The following GALNT13 variants were observed in gnomAD, a reference collection of about 807,000 sequenced individuals.
The protein encoded by GALNT13 is UDP-GalNAc:polypeptide N-acetylgalactosaminyltransferase 13.
In GALNT13, 28 loss-of-function variants were observed where a neutral mutation model predicts 64.2. The observed-to-expected ratio is 0.44, with a 90% confidence interval of 0.32 to 0.60. The LOEUF is 0.60. Among genes scored for constraint, GALNT13 ranks in the 20% least tolerant of loss-of-function variants. The pLI is 0.05. For synonymous variants in GALNT13, 214 were observed against 224.6 expected, an observed-to-expected ratio of 0.95 and a Z score of 0.42; for missense variants, 577 against 669.8, an observed-to-expected ratio of 0.86 and a Z score of 1.53.
the GALNT13 span, among the ~76,000 whole-genome samples, chr2:153,573,670 T>G: frequency 5.3e-5 from 8 of 152,180 alleles, no homozygotes; most frequent in South Asian, 1.5e-3. Flanking sequence ...TATTTTAACC[T>G]TGTGACAACT....
At chr2:153,585,084 T>A in the GALNT13 span, among the ~76,000 whole-genome samples, 1 of 152,118 alleles carries the variant, frequency 6.6e-6, no homozygotes, top group Admixed American at 6.6e-5. Context: ...AAAAGAAATA[T>A]TTGAAATACC....
the GALNT13 span, among the ~76,000 whole-genome samples, chr2:153,534,435 C>T: frequency 1.3e-5 from 2 of 151,546 alleles, no homozygotes; most frequent in African/African-American, 4.9e-5. Context: ...AACAGGACGG[C>T]TAGAGTGAGC....
chr2:154,031,531 G>T (rs1008422105), intron 3 of GALNT13, among the ~76,000 whole-genome samples: 19 of 151,664 alleles, frequency 1.3e-4, no homozygotes, highest in Admixed American at 8.5e-4. Context: ...TAATGTGTAT[G>T]GATATATATA....
the GALNT13 span, among the ~76,000 whole-genome samples, chr2:153,229,218 C>T: frequency 2.0e-5 from 3 of 152,120 alleles, no homozygotes; most frequent in African/African-American, 7.2e-5. Flanking sequence ...CCAGAAATGT[C>T]ATCACTCTCT....
chr2:154,298,698 GTATATACAATT>G, intron 8 of GALNT13, among the ~76,000 whole-genome samples: 1 of 112,714 alleles, frequency 8.9e-6, no homozygotes, highest in Non-Finnish European at 1.7e-5. Context: ...TATATACATT[GTATATACAATT>G]TATATATAAA....
At chr2:153,887,564 A>C (rs1307031253) in intron 1 of GALNT13, among the ~76,000 whole-genome samples, 1 of 151,850 alleles carries the variant, frequency 6.6e-6, no homozygotes, top group Non-Finnish European at 1.5e-5. Flanking sequence ...GCAAAGGTGC[A>C]TTCATTTCAT....
chr2:154,150,673 G>T (rs950545254), intron 4 of GALNT13, among the ~76,000 whole-genome samples: 5 of 152,118 alleles, frequency 3.3e-5, no homozygotes, highest in African/African-American at 1.2e-4. Flanking sequence ...TGTTTGTGTC[G>T]AGGAATTTAT....
chr2:153,594,417 G>A, the GALNT13 span, among the ~76,000 whole-genome samples: 3 of 152,062 alleles, frequency 2.0e-5, no homozygotes, highest in Non-Finnish European at 4.4e-5. Flanking sequence ...TGTCTTCCAC[G>A]ATACTATCTT....
chr2:153,468,764 A>T, the GALNT13 span, among the ~76,000 whole-genome samples: 47 of 152,178 alleles, frequency 3.1e-4, no homozygotes, highest in East Asian at 8.5e-3. Context: ...TTTACTTTTT[A>T]AAAAGAAAAT....
chr2:153,334,119 T>A, the GALNT13 span, among the ~76,000 whole-genome samples: 1 of 152,154 alleles, frequency 6.6e-6, no homozygotes, highest in South Asian at 2.1e-4. Context: ...AGATCTGATA[T>A]ACTGAAGACA....
chr2:154,075,342 G>A (rs1700931838), intron 3 of GALNT13, among the ~76,000 whole-genome samples: 1 of 151,806 alleles, frequency 6.6e-6, no homozygotes, highest in South Asian at 2.1e-4. Flanking sequence ...TAATATCAAA[G>A]GGTCCTTTCT....
chr2:153,655,727 A>G, the GALNT13 span, among the ~76,000 whole-genome samples: 1 of 152,124 alleles, frequency 6.6e-6, no homozygotes, highest in African/African-American at 2.4e-5. Flanking sequence ...ACATATAGAA[A>G]CTGATATACC....
At chr2:154,446,762 G>T in intron 12 of GALNT13, 1 of 1,507,210 alleles carries the variant, frequency 6.6e-7, no homozygotes, top group Non-Finnish European at 8.9e-7. Context: ...AATGATTTTT[G>T]GAGGTTTGTG....
At chr2:153,955,405 A>G (rs1483795226) in intron 3 of GALNT13, among the ~76,000 whole-genome samples, 1 of 152,188 alleles carries the variant, frequency 6.6e-6, no homozygotes, top group Non-Finnish European at 1.5e-5. Context: ...TTGGAAGGGA[A>G]GAGATAGCAG....
chr2:154,188,743 A>G (rs1350859150), intron 4 of GALNT13, among the ~76,000 whole-genome samples: 2 of 152,182 alleles, frequency 1.3e-5, no homozygotes, highest in African/African-American at 4.8e-5. Context: ...TTTTGGAAAT[A>G]AAAATTATCA....
chr2:154,025,518 A>G (rs1030844106), intron 3 of GALNT13, among the ~76,000 whole-genome samples: 4 of 143,796 alleles, frequency 2.8e-5, no homozygotes, highest in African/African-American at 1.1e-4. Context: ...TGTTATTTTT[A>G]TGTAACAAAA....
At chr2:153,680,888 G>T in the GALNT13 span, among the ~76,000 whole-genome samples, 1 of 151,934 alleles carries the variant, frequency 6.6e-6, no homozygotes, top group Non-Finnish European at 1.5e-5. Context: ...AAGGTTAGAA[G>T]TATGCTGTAC....
At chr2:153,156,123 T>G in the GALNT13 span, among the ~76,000 whole-genome samples, 1 of 152,330 alleles carries the variant, frequency 6.6e-6, no homozygotes, top group Admixed American at 6.5e-5. Context: ...TCAGTTCTTT[T>G]GCATTTGCCA....
the GALNT13 span, among the ~76,000 whole-genome samples, chr2:153,314,917 A>G: frequency 1.3e-5 from 2 of 152,112 alleles, no homozygotes; most frequent in African/African-American, 4.8e-5. Flanking sequence ...AACAGTAAAG[A>G]TTAAATAAAT....
Sources: gnomAD v4.1 joint callset for allele counts (sites outside exome capture counted in the v4.1 genomes callset) on GRCh38, gnomAD v4.1.1 for gene constraint, MANE v1.5 for transcripts, NCBI Gene and HGNC (gene_info 2026-07-23, HGNC 2026-07-21) for gene names.